CIMAP1B: variants seen among roughly 807,000 people sequenced by gnomAD.
CIMAP1B encodes the protein orf2 5' to PD-ECGF/TP.
At chr22:50,530,636 C>A in the CIMAP1B span, 3 of 1,580,056 alleles carry the variant, frequency 1.9e-6, no homozygotes, top group African/African-American at 4.0e-5. Context: ...CCCCCGGGGA[C>A]TCTGATCCCA....
chr22:50,530,654 G>C, the CIMAP1B span: 1 of 1,592,116 alleles, frequency 6.3e-7, no homozygotes, highest in Non-Finnish European at 8.6e-7. Context: ...CCATCACTCC[G>C]ACCTCAGGCC....
the CIMAP1B span, chr22:50,530,463 C>A: frequency 1.3e-6 from 2 of 1,582,416 alleles, no homozygotes; most frequent in South Asian, 1.2e-5. Flanking sequence ...CGTGTGGGGC[C>A]GCTCCCGCCT....
the CIMAP1B span, chr22:50,531,479 G>T: frequency 8.5e-7 from 1 of 1,181,754 alleles, no homozygotes; most frequent in Non-Finnish European, 1.1e-6. Context: ...GGGTATCCGA[G>T]GGGGACTCGG....
At chr22:50,531,451 A>G in the CIMAP1B span, 1 of 1,059,880 alleles carries the variant, frequency 9.4e-7, no homozygotes, top group South Asian at 1.6e-5. Context: ...ATATGGGGGT[A>G]CCGAATATGC....
the CIMAP1B span, chr22:50,531,269 T>C: frequency 6.2e-7 from 1 of 1,609,140 alleles, no homozygotes; most frequent in Non-Finnish European, 8.5e-7. Flanking sequence ...TACGTCGCGT[T>C]CCCCGCTCGC....
At chr22:50,531,282 C>G in the CIMAP1B span, 29 of 1,608,650 alleles carry the variant, frequency 1.8e-5, no homozygotes, top group South Asian at 3.1e-4. Flanking sequence ...CCGCTCGCTC[C>G]GGGAAGTACC....
At chr22:50,531,388 G>A in the CIMAP1B span, 1 of 1,177,348 alleles carries the variant, frequency 8.5e-7, no homozygotes, top group Non-Finnish European at 1.2e-6. Context: ...GGGAGTCTGA[G>A]CCACGATTTA....
At chr22:50,530,758 TGGG>T in the CIMAP1B span, 1 of 1,609,780 alleles carries the variant, frequency 6.2e-7, no homozygotes, top group Non-Finnish European at 8.5e-7. Context: ...AGTGTTGTCT[TGGG>T]GGAGCGAAGT....
At chr22:50,532,090 G>A in the CIMAP1B span, 1 of 1,363,782 alleles carries the variant, frequency 7.3e-7, no homozygotes, top group Non-Finnish European at 9.5e-7. Context: ...CGCGGGTGGG[G>A]GGCGCTTACG....
the CIMAP1B span, chr22:50,532,498 T>G: frequency 6.2e-6 from 1 of 161,786 alleles, no homozygotes; most frequent in Non-Finnish European, 1.3e-5. Context: ...GCTCCTAGCG[T>G]GGGAAAACAA....
chr22:50,531,880 C>A, the CIMAP1B span: 1 of 1,326,944 alleles, frequency 7.5e-7, no homozygotes. Context: ...AGGCACGGTT[C>A]AGCCCCGAGC....
chr22:50,531,094 C>G, the CIMAP1B span: 3 of 1,594,002 alleles, frequency 1.9e-6, no homozygotes, highest in Admixed American at 1.7e-5. Context: ...TAGTGGGTCT[C>G]CGCGGACAGG....
chr22:50,530,613 C>A, the CIMAP1B span: 2 of 1,565,520 alleles, frequency 1.3e-6, no homozygotes, highest in Non-Finnish European at 8.7e-7. Context: ...CTCTCCGCGC[C>A]GGGACCCCTG....
At chr22:50,531,124 C>T in the CIMAP1B span, 1 of 1,588,960 alleles carries the variant, frequency 6.3e-7, no homozygotes, top group African/African-American at 1.3e-5. Flanking sequence ...GTCCCAGCTC[C>T]CGGAGGGCGG....
the CIMAP1B span, chr22:50,530,621 C>T: frequency 6.4e-7 from 1 of 1,569,668 alleles, no homozygotes; most frequent in Non-Finnish European, 8.6e-7. Flanking sequence ...GCCGGGACCC[C>T]TGGACCCCCG....
chr22:50,530,887 C>T, the CIMAP1B span: 1 of 1,607,692 alleles, frequency 6.2e-7, no homozygotes, highest in Non-Finnish European at 8.5e-7. Context: ...CTGCCGCCTC[C>T]ACTGCCGCGG....
At chr22:50,530,703 C>T in the CIMAP1B span, 1 of 1,611,668 alleles carries the variant, frequency 6.2e-7, no homozygotes, top group Admixed American at 1.7e-5. Flanking sequence ...ACCCTGGGCT[C>T]CAGGCCACCT....
chr22:50,531,960 C>T, the CIMAP1B span: 24 of 1,328,444 alleles, frequency 1.8e-5, no homozygotes, highest in Non-Finnish European at 2.2e-5. Context: ...CGGGGCCTGC[C>T]CCTTCTACCG....
chr22:50,531,762 G>T, the CIMAP1B span: 1 of 1,371,810 alleles, frequency 7.3e-7, no homozygotes, highest in Non-Finnish European at 9.4e-7. Context: ...GACGGGTCAT[G>T]CAGGGCGTAG....
Sources: gnomAD v4.1 joint callset for allele counts on GRCh38, gnomAD v4.1.1 for gene constraint, MANE v1.5 for transcripts, NCBI Gene and HGNC (gene_info 2026-07-23, HGNC 2026-07-21) for gene names.